LRFN5: variants seen among roughly 807,000 people sequenced by gnomAD.
LRFN5 encodes the protein leucine rich repeat and fibronectin type III domain containing 5, also known as leucine-rich repeat and fibronectin type-III domain-containing protein 5.
Under a neutral mutation model 45.6 loss-of-function variants are expected in LRFN5, and 24 were observed. The observed-to-expected ratio is 0.53, with a 90% CI of 0.38 to 0.74. The LOEUF (loss-of-function observed/expected upper bound fraction) is 0.74, where lower values mean the gene tolerates loss of function less well. Ranked by LOEUF, LRFN5 falls within the 30% of genes least tolerant of loss-of-function variation. The probability of loss-of-function intolerance (pLI) is 0.00; values close to 1 mark genes in which losing one functional copy is unlikely to be tolerated. For synonymous variants in LRFN5, 340 were observed against 313.8 expected (o/e 1.08, Z -0.88); for missense variants, 776 against 861.5 (o/e 0.90, Z 1.24).
intron 1 of LRFN5, among the ~76,000 whole-genome samples, chr14:41,681,243 T>G (rs895285260): frequency 1.3e-5 from 2 of 152,074 alleles, no homozygotes; most frequent in Admixed American, 1.3e-4. Context: ...TAGAGAAATA[T>G]ATCAATATTT....
intron 1 of LRFN5, among the ~76,000 whole-genome samples, chr14:41,758,351 TAG>T (rs1885504365): frequency 6.6e-6 from 1 of 152,208 alleles, no homozygotes; most frequent in Non-Finnish European, 1.5e-5. Flanking sequence ...TTAAGGATCA[TAG>T]AGACAATTAA....
chr14:41,841,615 C>A (rs1888862649), intron 2 of LRFN5, among the ~76,000 whole-genome samples: 1 of 151,784 alleles, frequency 6.6e-6, no homozygotes, highest in African/African-American at 2.4e-5. Flanking sequence ...GAATCCTCTT[C>A]TTGATGGTCT....
intron 1 of LRFN5, among the ~76,000 whole-genome samples, chr14:41,689,150 A>T (rs1882256429): frequency 6.6e-6 from 1 of 152,010 alleles, no homozygotes; most frequent in Non-Finnish European, 1.5e-5. Flanking sequence ...AATTTTAAAA[A>T]GAAGAAAGCT....
At chr14:41,646,157 A>G (rs1365779971) in intron 1 of LRFN5, among the ~76,000 whole-genome samples, 29 of 152,046 alleles carry the variant, frequency 1.9e-4, no homozygotes, top group Admixed American at 1.8e-3. Flanking sequence ...TGAAACTATA[A>G]TATATTATTG....
chr14:41,773,855 CT>C (rs1366757656), intron 2 of LRFN5, among the ~76,000 whole-genome samples: 1 of 152,168 alleles, frequency 6.6e-6, no homozygotes, highest in African/African-American at 2.4e-5. Context: ...TATATTGTCT[CT>C]TTTAAATAAA....
At chr14:41,818,495 A>G (rs1887997436) in intron 2 of LRFN5, among the ~76,000 whole-genome samples, 1 of 151,874 alleles carries the variant, frequency 6.6e-6, no homozygotes, top group African/African-American at 2.4e-5. Flanking sequence ...TATGATATAC[A>G]CACACACAAA....
chr14:41,836,621 TGATCCA>T (rs1323856007), intron 2 of LRFN5, among the ~76,000 whole-genome samples: 1 of 152,186 alleles, frequency 6.6e-6, no homozygotes, highest in African/African-American at 2.4e-5. Flanking sequence ...TGTTCTGTAG[TGATCCA>T]GCAACAACTG....
intron 2 of LRFN5, among the ~76,000 whole-genome samples, chr14:41,816,639 T>C (rs762684662): frequency 6.6e-6 from 1 of 152,102 alleles, no homozygotes; most frequent in Admixed American, 6.6e-5. Context: ...AGAAGCTAAA[T>C]GTAATTTCTT....
intron 1 of LRFN5, among the ~76,000 whole-genome samples, chr14:41,694,278 A>G (rs1882503410): frequency 6.6e-6 from 1 of 151,890 alleles, no homozygotes; most frequent in Non-Finnish European, 1.5e-5. Flanking sequence ...AAATCTCAAA[A>G]CTTATTCCTT....
At chr14:41,844,562 T>A (rs1888993559) in intron 2 of LRFN5, among the ~76,000 whole-genome samples, 1 of 152,198 alleles carries the variant, frequency 6.6e-6, no homozygotes. Context: ...AAGGACAGTT[T>A]AGTTATATAA....
At chr14:41,666,657 A>G (rs1411241362) in intron 1 of LRFN5, among the ~76,000 whole-genome samples, 1 of 152,088 alleles carries the variant, frequency 6.6e-6, no homozygotes, top group African/African-American at 2.4e-5. Context: ...TAAGGTTTCA[A>G]TTTCGTGGCT....
intron 1 of LRFN5, among the ~76,000 whole-genome samples, chr14:41,643,888 A>G (rs1356980150): frequency 6.6e-6 from 1 of 152,074 alleles, no homozygotes; most frequent in Non-Finnish European, 1.5e-5. Context: ...TCTGTTCATA[A>G]TCTCTGTAAG....
At chr14:41,616,961 C>T (rs552235654) in intron 1 of LRFN5, among the ~76,000 whole-genome samples, 2 of 152,050 alleles carry the variant, frequency 1.3e-5, no homozygotes, top group African/African-American at 2.4e-5. Context: ...TTTCTTTGCT[C>T]TTATATAGCT....
chr14:41,690,706 T>C (rs865840205), intron 1 of LRFN5, among the ~76,000 whole-genome samples: 1 of 152,156 alleles, frequency 6.6e-6, no homozygotes, highest in Non-Finnish European at 1.5e-5. Context: ...GAAAGAATAG[T>C]TTCCCTACAA....
chr14:41,702,623 A>C (rs1882884986), intron 1 of LRFN5, among the ~76,000 whole-genome samples: 1 of 151,890 alleles, frequency 6.6e-6, no homozygotes, highest in South Asian at 2.1e-4. Context: ...CCACTGCGCC[A>C]GCTAATTTTT....
chr14:41,699,894 A>C (rs1594626906), intron 1 of LRFN5: 1 of 152,246 alleles, frequency 6.6e-6, no homozygotes, highest in Admixed American at 6.5e-5. Context: ...TTCAAGGATG[A>C]ACAACTAAAA....
chr14:41,659,501 A>AAT (rs1880534625), intron 1 of LRFN5, among the ~76,000 whole-genome samples: 1 of 152,114 alleles, frequency 6.6e-6, no homozygotes, highest in Admixed American at 6.6e-5. Context: ...GAATAGTGCC[A>AAT]CAATAAACAT....
At chr14:41,881,894 C>T (rs759036632) in intron 2 of LRFN5, among the ~76,000 whole-genome samples, 53 of 152,232 alleles carry the variant, frequency 3.5e-4, no homozygotes, top group African/African-American at 1.2e-3. Flanking sequence ...CCTGCAGATA[C>T]GTTAGAATTT....
chr14:41,830,376 A>C (rs1460044293), intron 2 of LRFN5, among the ~76,000 whole-genome samples: 1 of 152,132 alleles, frequency 6.6e-6, no homozygotes, highest in East Asian at 1.9e-4. Context: ...GTCAAAGCTC[A>C]ATCTATTAAA....
Sources: allele counts gnomAD v4.1 joint callset (sites outside exome capture counted in the v4.1 genomes callset), GRCh38; gene constraint gnomAD v4.1.1; transcripts MANE v1.5; gene names NCBI Gene and HGNC (gene_info 2026-07-23, HGNC 2026-07-21).